EYS: variants seen among roughly 807,000 people sequenced by gnomAD.
EYS encodes protein eyes shut homolog.
EYS carries 250 observed loss-of-function variants against 282.1 expected under a neutral mutation model. That is an observed-to-expected ratio of 0.89 (90% confidence interval 0.80 to 0.98). The LOEUF (loss-of-function observed/expected upper bound fraction) is 0.98. Ranked by LOEUF, EYS falls within the 50% of genes least tolerant of loss-of-function variation. EYS has a pLI of 0.00. For synonymous variants in EYS, 1,355 were observed against 1,282.9 expected (o/e 1.06, Z -1.20); for missense variants, 4,016 against 3,709.0 (o/e 1.08, Z -2.15).
intron 22 of EYS, among the ~76,000 whole-genome samples, chr6:64,810,511 C>T (rs1229703154): frequency 6.6e-6 from 1 of 151,902 alleles, no homozygotes; most frequent in African/African-American, 2.4e-5. Flanking sequence ...TCTTACAACA[C>T]AACAAAATAT....
intron 2 of EYS, among the ~76,000 whole-genome samples, chr6:65,591,946 C>CA (rs1171736052): frequency 6.6e-6 from 1 of 151,944 alleles, no homozygotes; most frequent in Non-Finnish European, 1.5e-5. Flanking sequence ...TATCTTGTCA[C>CA]AGGCAAGCAC....
chr6:64,339,183 G>A (rs897497269), intron 29 of EYS, among the ~76,000 whole-genome samples: 3 of 151,948 alleles, frequency 2.0e-5, no homozygotes, highest in Admixed American at 6.6e-5. Flanking sequence ...AGTCAGCAGA[G>A]TAAACAGACA....
At chr6:64,531,265 C>T (rs536908505) in intron 26 of EYS, among the ~76,000 whole-genome samples, 1 of 152,092 alleles carries the variant, frequency 6.6e-6, no homozygotes, top group Non-Finnish European at 1.5e-5. Flanking sequence ...TAAAAGTTAC[C>T]AGCTCAAAGA....
chr6:65,581,838 T>C (rs1764882642), intron 2 of EYS, among the ~76,000 whole-genome samples: 1 of 152,032 alleles, frequency 6.6e-6, no homozygotes, highest in African/African-American at 2.4e-5. Flanking sequence ...TATGTATACA[T>C]CCAAGTCTTT....
At chr6:65,660,788 G>A (rs1767978368) in intron 1 of EYS, among the ~76,000 whole-genome samples, 3 of 151,744 alleles carry the variant, frequency 2.0e-5, no homozygotes, top group Admixed American at 6.6e-5. Flanking sequence ...ATTTGCATGT[G>A]AAGCTTTGTA....
intron 22 of EYS, among the ~76,000 whole-genome samples, chr6:64,692,455 G>T (rs1359286814): frequency 6.6e-6 from 1 of 152,088 alleles, no homozygotes; most frequent in Non-Finnish European, 1.5e-5. Context: ...CTGCAAAGAA[G>T]CTCTTTAGTT....
At chr6:64,613,773 C>A (rs573334083) in intron 24 of EYS, among the ~76,000 whole-genome samples, 194 of 152,176 alleles carry the variant, frequency 1.3e-3, no homozygotes, top group Non-Finnish European at 2.3e-3. Flanking sequence ...ACTTTATGTT[C>A]AAAAATGCTA....
In EYS at chr6:64,078,534, A is replaced by G. The variant is rs971843356; in HGVS notation, c.6571+3322T>C. Among the ~76,000 whole-genome samples the G allele has an allele frequency of 3.3e-5, 5 of 152,074 alleles. 2 individuals carry two copies. The South Asian group carries it at 1.0e-3, about 32-fold the overall frequency. ...AACATTCTGCTGAGGTATTCCCAACAGTGTAGGATTAAATTACCACCTTAA... is the reference window on the plus strand; with the variant it reads ...AACATTCTGCTGAGGTATTCCCAACGGTGTAGGATTAAATTACCACCTTAA... On this transcript the variant is annotated intron_variant, in intron 32 of 42. Coordinates refer to ENST00000503581, the MANE Select transcript of EYS (RefSeq NM_001142800.2).
intron 41 of EYS, among the ~76,000 whole-genome samples, chr6:63,736,648 A>C (rs1386604965): frequency 6.6e-6 from 1 of 152,058 alleles, no homozygotes; most frequent in Non-Finnish European, 1.5e-5. Context: ...CTTGATGGGG[A>C]TGGCATTGAA....
chr6:63,929,085 C>T (rs868774772), intron 35 of EYS, among the ~76,000 whole-genome samples: 19 of 152,106 alleles, frequency 1.2e-4, no homozygotes, highest in South Asian at 2.1e-4. Context: ...GGCAAGTAGA[C>T]GGGGTCAAAT....
intron 1 of EYS, among the ~76,000 whole-genome samples, chr6:65,653,636 C>T (rs997068067): frequency 2.0e-5 from 3 of 151,894 alleles, no homozygotes; most frequent in African/African-American, 7.2e-5. Context: ...TACAGCAACA[C>T]CATGTTGAAC....
chr6:64,857,798 A>T (rs1766111596), intron 19 of EYS, among the ~76,000 whole-genome samples: 1 of 152,138 alleles, frequency 6.6e-6, no homozygotes, highest in African/African-American at 2.4e-5. Flanking sequence ...TTTAAATAAA[A>T]GCCATTCTAA....
intron 22 of EYS, among the ~76,000 whole-genome samples, chr6:64,749,926 T>A (rs888715391): frequency 2.0e-5 from 3 of 152,092 alleles, no homozygotes; most frequent in African/African-American, 4.8e-5. Flanking sequence ...ATAGAATGCC[T>A]TATAGTAATT....
chr6:63,910,087 GA>G (rs1417227276), intron 35 of EYS, among the ~76,000 whole-genome samples: 2 of 152,130 alleles, frequency 1.3e-5, no homozygotes, highest in African/African-American at 4.8e-5. Context: ...AAAGAAGACT[GA>G]AAAATGGGAG....
intron 2 of EYS, among the ~76,000 whole-genome samples, chr6:65,623,426 G>T (rs1428158723): frequency 6.6e-6 from 1 of 152,006 alleles, no homozygotes; most frequent in Non-Finnish European, 1.5e-5. Flanking sequence ...GATATTTCAG[G>T]TGGCTTCAGC....
chr6:64,401,352 T>G (rs2150436372), intron 28 of EYS, among the ~76,000 whole-genome samples: 1 of 152,174 alleles, frequency 6.6e-6, no homozygotes, highest in South Asian at 2.1e-4. Context: ...ACTTTGTTGT[T>G]TATCACATTT....
intron 2 of EYS, among the ~76,000 whole-genome samples, chr6:65,516,154 T>A (rs948354641): frequency 3.9e-5 from 6 of 152,014 alleles, no homozygotes; most frequent in African/African-American, 1.4e-4. Flanking sequence ...AGAGAACATA[T>A]ATATTAAAAT....
intron 5 of EYS, among the ~76,000 whole-genome samples, chr6:65,436,467 G>T (rs570807227): frequency 1.3e-5 from 2 of 150,710 alleles, no homozygotes; most frequent in South Asian, 4.2e-4. Flanking sequence ...GAAAAAAGAA[G>T]AAAAAAAAAT....
chr6:63,791,125 G>T (rs571277846), intron 37 of EYS, among the ~76,000 whole-genome samples: 1 of 152,298 alleles, frequency 6.6e-6, no homozygotes, highest in African/African-American at 2.4e-5. Flanking sequence ...AAGCAAAAAG[G>T]TGGTTTTTGA....
Sources: gnomAD v4.1 joint callset for allele counts (sites outside exome capture counted in the v4.1 genomes callset) on GRCh38, gnomAD v4.1.1 for gene constraint, MANE v1.5 for transcripts, NCBI Gene and HGNC (gene_info 2026-07-23, HGNC 2026-07-21) for gene names.